The following SMYD3 variants were observed in gnomAD, a reference collection of about 807,000 sequenced individuals.
SMYD3 encodes SET and MYND domain containing 3, also known as histone-lysine N-methyltransferase SMYD3.
A neutral mutation model predicts 57.7 loss-of-function variants in SMYD3; 36 were observed. The observed-to-expected ratio is 0.62, with a 90% confidence interval of 0.48 to 0.82. The LOEUF is 0.82. Among genes scored for constraint, SMYD3 ranks in the 40% least tolerant of loss-of-function variants. SMYD3 has a pLI of 0.00. For synonymous variants in SMYD3, 211 were observed against 195.0 expected (o/e 1.08, Z -0.68); for missense variants, 515 against 538.8 (o/e 0.96, Z 0.44).
At chr1:246,223,619 A>G (rs927608191) in intron 5 of SMYD3, among the ~76,000 whole-genome samples, 6 of 152,088 alleles carry the variant, frequency 3.9e-5, no homozygotes, top group African/African-American at 1.5e-4. Context: ...TGCTTTTCTT[A>G]TGGACCTACG....
intron 1 of SMYD3, among the ~76,000 whole-genome samples, chr1:246,495,400 A>AAATTAAAT (rs2068344955): frequency 6.6e-6 from 1 of 151,510 alleles, no homozygotes; most frequent in Admixed American, 6.6e-5. Flanking sequence ...CACTCCAGAC[A>AAATTAAAT]AATTAAATGA....
At chr1:245,790,679 G>A (rs2047230301) in intron 10 of SMYD3, among the ~76,000 whole-genome samples, 1 of 152,146 alleles carries the variant, frequency 6.6e-6, no homozygotes, top group Non-Finnish European at 1.5e-5. Flanking sequence ...AGCCACAATG[G>A]GGGATGAGTG....
At chr1:245,856,786 C>CAGCGCT (rs2051262752) in intron 10 of SMYD3, among the ~76,000 whole-genome samples, 1 of 152,166 alleles carries the variant, frequency 6.6e-6, no homozygotes, top group African/African-American at 2.4e-5. Context: ...AGAATCAGTG[C>CAGCGCT]AGCGCTAGCC....
chr1:246,275,909 G>C (rs1346036702), intron 5 of SMYD3, among the ~76,000 whole-genome samples: 1 of 152,030 alleles, frequency 6.6e-6, no homozygotes, highest in African/African-American at 2.4e-5. Context: ...TTCTAGTGGA[G>C]TCTGATGCCC....
intron 1 of SMYD3, among the ~76,000 whole-genome samples, chr1:246,371,150 G>A (rs10802397): frequency 0.24 from 36,653 of 152,140 alleles, 4,812 homozygotes; most frequent in East Asian, 0.51. Flanking sequence ...GGGTCCTTAT[G>A]TTTTATAACA....
chr1:246,267,574 G>A (rs1188565965), intron 5 of SMYD3, among the ~76,000 whole-genome samples: 2 of 152,106 alleles, frequency 1.3e-5, no homozygotes, highest in African/African-American at 2.4e-5. Flanking sequence ...AGAATTCACC[G>A]TTTACATGTG....
intron 5 of SMYD3, among the ~76,000 whole-genome samples, chr1:246,029,774 G>A (rs926917334): frequency 6.6e-6 from 1 of 151,296 alleles, no homozygotes; most frequent in Non-Finnish European, 1.5e-5. Context: ...AGGGAAATAC[G>A]AATCAAAACC....
chr1:246,341,644 A>G (rs191467107), intron 2 of SMYD3, among the ~76,000 whole-genome samples: 25 of 152,342 alleles, frequency 1.6e-4, no homozygotes, highest in Non-Finnish European at 2.9e-4. Flanking sequence ...TGATTACATG[A>G]TTATGAAAGG....
chr1:246,409,440 C>A (rs2066924883), intron 1 of SMYD3, among the ~76,000 whole-genome samples: 1 of 152,174 alleles, frequency 6.6e-6, no homozygotes, highest in Non-Finnish European at 1.5e-5. Flanking sequence ...GGAATCCTTT[C>A]CCCATTTCTT....
intron 10 of SMYD3, among the ~76,000 whole-genome samples, chr1:245,770,235 G>C (rs2046282272): frequency 6.6e-6 from 1 of 152,052 alleles, no homozygotes; most frequent in Non-Finnish European, 1.5e-5. Flanking sequence ...GGTGAACCTT[G>C]TATTCATTGG....
intron 1 of SMYD3, among the ~76,000 whole-genome samples, chr1:246,363,793 G>A (rs574972484): frequency 5.9e-5 from 9 of 151,936 alleles, no homozygotes; most frequent in Admixed American, 3.9e-4. Context: ...GCGGAAGGCC[G>A]CAGGGTCCTC....
intron 5 of SMYD3, among the ~76,000 whole-genome samples, chr1:246,241,195 T>A (rs908417530): frequency 2.0e-5 from 3 of 152,168 alleles, no homozygotes; most frequent in African/African-American, 7.2e-5. Flanking sequence ...TGCTTCCAGT[T>A]TTTGCCCATT....
intron 1 of SMYD3, among the ~76,000 whole-genome samples, chr1:246,361,709 A>G (rs748905827): frequency 6.6e-6 from 1 of 152,190 alleles, no homozygotes; most frequent in Non-Finnish European, 1.5e-5. Flanking sequence ...AAAACCAAAC[A>G]TCGTATGTTC....
chr1:246,161,198 C>T (rs7548751), intron 5 of SMYD3, among the ~76,000 whole-genome samples: 27,690 of 152,138 alleles, frequency 0.18, 3,286 homozygotes, highest in Non-Finnish European at 0.27. Context: ...AGCTCACCTG[C>T]ATGCCGCCAA....
chr1:246,505,752 T>A (rs2068527814), intron 1 of SMYD3, among the ~76,000 whole-genome samples: 1 of 152,224 alleles, frequency 6.6e-6, no homozygotes, highest in African/African-American at 2.4e-5. Flanking sequence ...AGGGTTTGTG[T>A]AGCTTATTTT....
chr1:246,215,679 T>C (rs2878077), intron 5 of SMYD3, among the ~76,000 whole-genome samples: 40,312 of 151,992 alleles, frequency 0.27, 6,076 homozygotes, highest in East Asian at 0.58. Context: ...AGCAGCAGCA[T>C]GCCACAGAAA....
intron 1 of SMYD3, among the ~76,000 whole-genome samples, chr1:246,447,638 T>G (rs1300669771): frequency 6.6e-6 from 1 of 152,192 alleles, no homozygotes. Context: ...TACAGAAGTA[T>G]CCACATAAGG....
chr1:245,916,502 A>G (rs1180562511), intron 7 of SMYD3, among the ~76,000 whole-genome samples: 2 of 152,156 alleles, frequency 1.3e-5, no homozygotes, highest in African/African-American at 4.8e-5. Flanking sequence ...TCTCACTCTC[A>G]GTTGACAGTA....
intron 1 of SMYD3, among the ~76,000 whole-genome samples, chr1:246,381,197 T>C (rs1167315038): frequency 1.3e-5 from 2 of 152,148 alleles, no homozygotes; most frequent in Non-Finnish European, 2.9e-5. Flanking sequence ...CAGAACTCAG[T>C]CACATGGCCA....
Sources: gnomAD v4.1 joint callset for allele counts (sites outside exome capture counted in the v4.1 genomes callset) on GRCh38, gnomAD v4.1.1 for gene constraint, MANE v1.5 for transcripts, NCBI Gene and HGNC (gene_info 2026-07-23, HGNC 2026-07-21) for gene names.